Variants in KCNIP4 observed in about 807,000 individuals in gnomAD.
KCNIP4 encodes the protein Kv channel-interacting protein 4.
A neutral mutation model predicts 34.0 loss-of-function variants in KCNIP4; 12 were observed. The observed-to-expected ratio is 0.35, with a 90% CI of 0.23 to 0.57. KCNIP4 has a LOEUF of 0.57. KCNIP4 is among the 20% of genes least tolerant of loss of function. The pLI is 0.83. For synonymous variants in KCNIP4, 124 were observed against 102.2 expected (o/e 1.21, Z -1.29); for missense variants, 238 against 311.7 (o/e 0.76, Z 1.78).
intron 1 of KCNIP4, among the ~76,000 whole-genome samples, chr4:21,416,616 G>A (rs781538059): frequency 7.9e-5 from 12 of 152,270 alleles, no homozygotes; most frequent in Non-Finnish European, 1.2e-4. Flanking sequence ...GAAAATGAAT[G>A]AAATGAGAAT....
At chr4:21,121,255 G>A (rs899480046) in intron 1 of KCNIP4, among the ~76,000 whole-genome samples, 2 of 152,142 alleles carry the variant, frequency 1.3e-5, no homozygotes, top group Non-Finnish European at 2.9e-5. Flanking sequence ...TGCAGAAAAA[G>A]GAGTGCAAAG....
At chr4:21,455,851 ATATATG>A (rs1454676719) in intron 1 of KCNIP4, among the ~76,000 whole-genome samples, 5 of 117,354 alleles carry the variant, frequency 4.3e-5, no homozygotes, top group South Asian at 5.1e-4. Context: ...ATATATATAT[ATATATG>A]GACTTAGATA....
rs542540370 is a variant in KCNIP4 at position 21,034,975 on chromosome 4, C to G, written c.62-152266G>C. Among the ~76,000 whole-genome samples, 4 of 152,278 alleles carry G rather than the reference C, an allele frequency of 2.6e-5. No individual in the cohort carries two copies. The South Asian group carries it at 8.3e-4, about 32-fold the overall frequency. On this transcript the variant is annotated intron_variant, in intron 1 of 8. Coordinates refer to ENST00000382152, the MANE Select transcript of KCNIP4 (RefSeq NM_025221.6). ...TTTTGCAGAGCCCAGAGGCAGATGC[C>G]TACGTGACAGCACTTTACCATCCAG...
At chr4:21,017,211 G>A (rs1362634527) in intron 1 of KCNIP4, among the ~76,000 whole-genome samples, 1 of 152,150 alleles carries the variant, frequency 6.6e-6, no homozygotes, top group African/African-American at 2.4e-5. Flanking sequence ...TTAAGTTCCA[G>A]GATACATGTG....
At chr4:21,087,066 A>G (rs1266390384) in intron 1 of KCNIP4, among the ~76,000 whole-genome samples, 2 of 128,138 alleles carry the variant, frequency 1.6e-5, no homozygotes, top group South Asian at 2.5e-4. Context: ...TGCAACCTCC[A>G]CCTCCCTGAT....
At chr4:21,497,453 C>T (rs2109877441) in intron 1 of KCNIP4, among the ~76,000 whole-genome samples, 1 of 152,244 alleles carries the variant, frequency 6.6e-6, no homozygotes, top group Middle Eastern at 3.4e-3. Flanking sequence ...AAATGCCCTC[C>T]CCTCTTCACA....
chr4:21,848,937 T>A (rs1724189608), intron 1 of KCNIP4: 1 of 116,864 alleles, frequency 8.6e-6, no homozygotes, highest in Non-Finnish European at 1.8e-5. Context: ...TACTTTGTGA[T>A]ATACATATAT....
intron 1 of KCNIP4, among the ~76,000 whole-genome samples, chr4:21,279,852 G>A (rs1011514119): frequency 6.6e-6 from 1 of 152,072 alleles, no homozygotes; most frequent in Non-Finnish European, 1.5e-5. Context: ...ATGAGGACCT[G>A]TTCAGCTTAA....
intron 1 of KCNIP4, among the ~76,000 whole-genome samples, chr4:21,692,842 T>TC (rs1711814959): frequency 6.7e-6 from 1 of 148,852 alleles, no homozygotes; most frequent in South Asian, 2.2e-4. Flanking sequence ...TTTTTTTTTT[T>TC]TTTTTTTTGC....
At chr4:21,735,573 C>G (rs1449525303) in intron 1 of KCNIP4, among the ~76,000 whole-genome samples, 1 of 152,118 alleles carries the variant, frequency 6.6e-6, no homozygotes, top group Non-Finnish European at 1.5e-5. Flanking sequence ...GGAGGATTTG[C>G]ACTCAGGAGT....
chr4:21,325,935 T>G (rs1714994738), intron 1 of KCNIP4, among the ~76,000 whole-genome samples: 1 of 151,974 alleles, frequency 6.6e-6, no homozygotes, highest in Non-Finnish European at 1.5e-5. Flanking sequence ...TGATTTTTAG[T>G]TTTATTCTAT....
chr4:20,811,989 T>G (rs758959721), intron 3 of KCNIP4, among the ~76,000 whole-genome samples: 6 of 152,148 alleles, frequency 3.9e-5, no homozygotes, highest in Non-Finnish European at 8.8e-5. Flanking sequence ...GGCCACTAAA[T>G]TAAATGACAG....
Position 21,605,029 on chromosome 4 carries a change from G to A in KCNIP4, c.61+343542C>T, listed in dbSNP as rs143820685. On this transcript the variant is annotated intron_variant, in intron 1 of 8. Transcript: ENST00000382152. Reference sequence around the variant, plus strand: ...CTTTAAAGGACACTGGGGTGTTTCTGGGAGTAAAACAGCAAGTCTTCTTTG... The same window carrying A: ...CTTTAAAGGACACTGGGGTGTTTCTAGGAGTAAAACAGCAAGTCTTCTTTG... Among the ~76,000 whole-genome samples the A allele has an allele frequency of 5.3e-5, 8 of 152,266 alleles. No individual in the cohort carries two copies. In the East Asian group the frequency reaches 1.5e-3, roughly 29 times the overall value.
intron 1 of KCNIP4, chr4:21,697,346 T>C: frequency 7.0e-7 from 1 of 1,424,188 alleles, no homozygotes; most frequent in Non-Finnish European, 9.2e-7. Context: ...AAAAAAGTCA[T>C]TACCTGTATG....
intron 1 of KCNIP4, among the ~76,000 whole-genome samples, chr4:21,628,351 T>C (rs186095202): frequency 5.1e-4 from 78 of 152,290 alleles, no homozygotes; most frequent in Non-Finnish European, 8.4e-4. Flanking sequence ...TCATTTTGCC[T>C]GACTATATCT....
chr4:21,815,363 A>AAG (rs1443481040), intron 1 of KCNIP4, among the ~76,000 whole-genome samples: 3 of 152,210 alleles, frequency 2.0e-5, no homozygotes, highest in African/African-American at 7.2e-5. Flanking sequence ...AATGTATGTA[A>AAG]AGACTCTTGT....
chr4:21,403,398 T>C (rs1723701689), intron 1 of KCNIP4, among the ~76,000 whole-genome samples: 1 of 152,200 alleles, frequency 6.6e-6, no homozygotes, highest in Non-Finnish European at 1.5e-5. Context: ...TGAAATAGGC[T>C]CCTGAGAAGT....
At chr4:21,103,919 A>G (rs1268068182) in intron 1 of KCNIP4, among the ~76,000 whole-genome samples, 1 of 151,818 alleles carries the variant, frequency 6.6e-6, no homozygotes, top group Non-Finnish European at 1.5e-5. Context: ...TGAACTCATC[A>G]TTTTTTATGG....
At chr4:21,519,689 T>G (rs939047345) in intron 1 of KCNIP4, among the ~76,000 whole-genome samples, 1 of 142,828 alleles carries the variant, frequency 7.0e-6, no homozygotes, top group Non-Finnish European at 1.5e-5. Context: ...TATGTGTATA[T>G]ACACACGTGT....
Sources: gnomAD v4.1 joint callset for allele counts (sites outside exome capture counted in the v4.1 genomes callset) on GRCh38, gnomAD v4.1.1 for gene constraint, MANE v1.5 for transcripts, NCBI Gene and HGNC (gene_info 2026-07-23, HGNC 2026-07-21) for gene names.